The following RASGRF2 variants were observed in gnomAD, a reference collection of about 807,000 sequenced individuals.
RASGRF2 encodes ras-specific guanine nucleotide-releasing factor 2.
RASGRF2 carries 76 observed loss-of-function variants against 151.0 expected under a neutral mutation model. That is an observed-to-expected ratio of 0.50 (90% CI 0.42 to 0.61). The LOEUF (loss-of-function observed/expected upper bound fraction) is 0.61, where lower values mean the gene tolerates loss of function less well. Among genes scored for constraint, RASGRF2 ranks in the 20% least tolerant of loss-of-function variants. RASGRF2 has a pLI of 0.00. For synonymous variants in RASGRF2, 504 were observed against 566.5 expected (o/e 0.89, Z 1.57); for missense variants, 1,148 against 1,564.6 (o/e 0.73, Z 4.49).
intron 17 of RASGRF2, among the ~76,000 whole-genome samples, chr5:81,129,591 G>A (rs1753561565): frequency 6.6e-6 from 1 of 152,122 alleles, no homozygotes; most frequent in African/African-American, 2.4e-5. Context: ...TTCCCCAAAA[G>A]TCCCATCAGA....
chr5:81,219,891 C>G, intron 26 of RASGRF2, 113 bp downstream of exon 26: 1 of 651,164 alleles, frequency 1.5e-6, no homozygotes, highest in Non-Finnish European at 2.4e-6. Context: ...ATAGAAAAGA[C>G]CAGTAAAATA....
At chr5:81,098,114 A>G (rs1752598341) in intron 12 of RASGRF2, among the ~76,000 whole-genome samples, 1 of 152,180 alleles carries the variant, frequency 6.6e-6, no homozygotes, top group African/African-American at 2.4e-5. Flanking sequence ...TTTTGAAGGT[A>G]GAACCAGCAG....
chr5:80,998,012 C>G (rs999575115), intron 1 of RASGRF2: 2 of 151,772 alleles, frequency 1.3e-5, no homozygotes, highest in Admixed American at 6.6e-5. Flanking sequence ...ACTTTGAGCT[C>G]TCTCCATTGG....
At chr5:81,183,189 C>T in intron 18 of RASGRF2, 1 of 984,196 alleles carries the variant, frequency 1.0e-6, no homozygotes, top group Non-Finnish European at 1.2e-6. Context: ...AGGGAGGCCA[C>T]TTCGATTTCT....
At chr5:81,049,152 CAAGTTCCCTAAAAAAA>C (rs1750928912) in intron 2 of RASGRF2, among the ~76,000 whole-genome samples, 2 of 103,488 alleles carry the variant, frequency 1.9e-5, no homozygotes, top group African/African-American at 7.3e-5. Flanking sequence ...TACATAAAAG[CAAGTTCCCTAAAAAAA>C]AAAAAAAAAA....
rs186721592 is a variant in RASGRF2, at chr5:81,221,856, A to T, written c.3621+2078A>T. On this transcript the variant is annotated intron_variant, in intron 26 of 26. Transcript: ENST00000265080. Reference sequence around the variant, plus strand: ...TCCAGGCATGGTGGCGGGCAGCTGTAATCCCAGCTACCTGGGAGGCTGAGG... The same window carrying T: ...TCCAGGCATGGTGGCGGGCAGCTGTTATCCCAGCTACCTGGGAGGCTGAGG... 3.3e-5 allele frequency among the ~76,000 whole-genome samples: 5 copies of T among 152,290 alleles called. No individual in the cohort carries two copies. In the East Asian group the frequency reaches 5.8e-4, roughly 18 times the overall value.
At chr5:80,976,164 G>A (rs371979158) in intron 1 of RASGRF2, among the ~76,000 whole-genome samples, 4 of 152,180 alleles carry the variant, frequency 2.6e-5, no homozygotes, top group South Asian at 4.2e-4. Flanking sequence ...CTTTCTGTAG[G>A]CCTGTAGTAT....
At chr5:81,225,628 G>C in intron 26 of RASGRF2, 50 bp from the exon 27 acceptor site, 2 of 1,598,358 alleles carry the variant, frequency 1.3e-6, no homozygotes, top group Non-Finnish European at 1.7e-6. Context: ...GAAAATGTAC[G>C]CACTGGTGTC....
intron 2 of RASGRF2, among the ~76,000 whole-genome samples, chr5:81,055,730 G>A (rs1751182353): frequency 6.6e-6 from 1 of 152,106 alleles, no homozygotes; most frequent in Non-Finnish European, 1.5e-5. Context: ...TGTACCTCTG[G>A]TAGAATTCGG....
chr5:81,121,516 G>T (rs912947742), intron 15 of RASGRF2, among the ~76,000 whole-genome samples: 1 of 152,174 alleles, frequency 6.6e-6, no homozygotes, highest in Admixed American at 6.6e-5. Flanking sequence ...GCAGGAGAAC[G>T]TCAAACAATG....
intron 1 of RASGRF2, among the ~76,000 whole-genome samples, chr5:81,022,132 GCT>G (rs1296950898): frequency 6.6e-6 from 1 of 152,190 alleles, no homozygotes; most frequent in African/African-American, 2.4e-5. Context: ...TGGTCAGCAT[GCT>G]ACGTGACTCT....
intron 17 of RASGRF2, among the ~76,000 whole-genome samples, chr5:81,159,979 G>A (rs1478220304): frequency 6.6e-6 from 1 of 152,160 alleles, no homozygotes; most frequent in African/African-American, 2.4e-5. Flanking sequence ...TTATTATAAG[G>A]AAAATCCTAG....
At chr5:81,109,481 A>G (rs987472127) in intron 13 of RASGRF2, among the ~76,000 whole-genome samples, 1 of 152,324 alleles carries the variant, frequency 6.6e-6, no homozygotes, top group East Asian at 1.9e-4. Flanking sequence ...CCTGGCCAAC[A>G]TGGTGAAACC....
At chr5:81,161,858 T>C (rs1402621495) in intron 17 of RASGRF2, among the ~76,000 whole-genome samples, 1 of 152,050 alleles carries the variant, frequency 6.6e-6, no homozygotes, top group African/African-American at 2.4e-5. Flanking sequence ...GCCTTTGTCC[T>C]GTATGCATTA....
At chr5:81,036,978 CCA>C (rs2112380363) in intron 1 of RASGRF2, among the ~76,000 whole-genome samples, 1 of 152,236 alleles carries the variant, frequency 6.6e-6, no homozygotes, top group South Asian at 2.1e-4. Context: ...ACTCACAGTT[CCA>C]TGTGTCTGGG....
intron 1 of RASGRF2, among the ~76,000 whole-genome samples, chr5:81,031,021 T>C (rs1417959539): frequency 6.6e-6 from 1 of 152,104 alleles, no homozygotes; most frequent in Non-Finnish European, 1.5e-5. Context: ...TAAAACAGAC[T>C]TTAAATCAAC....
chr5:81,131,218 C>A (rs527335314), intron 17 of RASGRF2, among the ~76,000 whole-genome samples: 1 of 152,094 alleles, frequency 6.6e-6, no homozygotes, highest in Non-Finnish European at 1.5e-5. Flanking sequence ...ACAAGATGTT[C>A]CTGCCTGACC....
At chr5:81,119,121 C>A (rs1470483310) in intron 15 of RASGRF2, among the ~76,000 whole-genome samples, 2 of 152,174 alleles carry the variant, frequency 1.3e-5, no homozygotes, top group African/African-American at 4.8e-5. Flanking sequence ...CTTTCTCTAG[C>A]CCATTCCTTC....
chr5:80,997,954 G>C (rs1278377283), intron 1 of RASGRF2: 1 of 134,168 alleles, frequency 7.5e-6, no homozygotes, highest in Admixed American at 8.1e-5. Flanking sequence ...GGGAGACAGA[G>C]CAAGACTCCG....
Sources: allele counts gnomAD v4.1 joint callset (sites outside exome capture counted in the v4.1 genomes callset), GRCh38; gene constraint gnomAD v4.1.1; transcripts MANE v1.5; gene names NCBI Gene and HGNC (gene_info 2026-07-23, HGNC 2026-07-21).